The following TANC2 variants were observed in gnomAD, a reference collection of about 807,000 sequenced individuals.
TANC2 encodes the protein tetratricopeptide repeat, ankyrin repeat and coiled-coil containing 2.
TANC2 carries 26 observed loss-of-function variants against 210.5 expected under a neutral mutation model. The ratio of observed to expected loss-of-function variants is 0.12; its 90% CI spans 0.09 to 0.17. TANC2 has a LOEUF of 0.17. TANC2 is among the 10% of genes least tolerant of loss of function. The pLI is 1.00. For missense variants in TANC2, 2,129 were observed against 2,608.9 expected (o/e 0.82, Z 4.01); for synonymous variants, 931 against 967.1 (o/e 0.96, Z 0.69).
chr17:63,352,671 A>C (rs778570692), intron 13 of TANC2, among the ~76,000 whole-genome samples: 10 of 152,174 alleles, frequency 6.6e-5, no homozygotes, highest in Admixed American at 4.6e-4. Flanking sequence ...AGGTGACTTT[A>C]ATTTTTCAGC....
chr17:63,297,808 G>A (rs1362201212), intron 9 of TANC2, among the ~76,000 whole-genome samples: 4 of 152,052 alleles, frequency 2.6e-5, no homozygotes, highest in Non-Finnish European at 4.4e-5. Context: ...TGCAAATCAT[G>A]TATCTGATAA....
intron 1 of TANC2, among the ~76,000 whole-genome samples, chr17:62,981,998 T>G (rs1317782469): frequency 2.6e-5 from 4 of 152,232 alleles, no homozygotes; most frequent in Non-Finnish European, 5.9e-5. Context: ...GTTTACACAG[T>G]GTCCACAATC....
intron 3 of TANC2, among the ~76,000 whole-genome samples, chr17:63,087,981 C>G (rs1465554904): frequency 1.3e-5 from 2 of 152,144 alleles, no homozygotes; most frequent in East Asian, 3.8e-4. Context: ...CTTCTAAGCT[C>G]CTTACATGCC....
chr17:63,142,870 A>G (rs767341253), intron 4 of TANC2, among the ~76,000 whole-genome samples: 19 of 152,204 alleles, frequency 1.2e-4, no homozygotes, highest in Non-Finnish European at 2.4e-4. Context: ...GTTGGGGGGC[A>G]TCTGCAATAC....
rs545340744 is a variant in TANC2 at position 63,327,872 on chromosome 17, C to G, written c.1575+8782C>G. Reference sequence around the variant, plus strand: ...ATGTGCCATGCTGGTGTGCTGCACCCATTAACTCATCATTTAGCATTAGGT... The same window carrying G: ...ATGTGCCATGCTGGTGTGCTGCACCGATTAACTCATCATTTAGCATTAGGT... On this transcript the variant is annotated intron_variant, in intron 11 of 27. Transcript: ENST00000689528. Among the ~76,000 whole-genome samples, 4 of 152,154 alleles carry G rather than the reference C, an allele frequency of 2.6e-5. No individual in the cohort carries two copies. The East Asian group carries it at 7.7e-4, about 29-fold the overall frequency.
intron 2 of TANC2, among the ~76,000 whole-genome samples, chr17:63,052,290 T>C (rs1018811598): frequency 6.6e-6 from 1 of 152,212 alleles, no homozygotes; most frequent in East Asian, 1.9e-4. Context: ...AAGATACAGA[T>C]AATTAATTTT....
At chr17:63,118,016 G>A (rs2038317749) in intron 4 of TANC2, among the ~76,000 whole-genome samples, 1 of 152,098 alleles carries the variant, frequency 6.6e-6, no homozygotes, top group African/African-American at 2.4e-5. Flanking sequence ...TTGCAGAGAA[G>A]CCTGTTAAAA....
intron 5 of TANC2, among the ~76,000 whole-genome samples, chr17:63,193,414 G>A (rs893162919): frequency 7.9e-5 from 12 of 152,124 alleles, no homozygotes; most frequent in Non-Finnish European, 1.6e-4. Flanking sequence ...TGATATAAAT[G>A]TTAAATGGAA....
intron 2 of TANC2, among the ~76,000 whole-genome samples, chr17:63,071,561 C>G (rs1023761048): frequency 2.0e-5 from 3 of 152,078 alleles, no homozygotes; most frequent in Non-Finnish European, 4.4e-5. Flanking sequence ...TACTGAGGTA[C>G]TTTATTTTGG....
chr17:63,329,679 A>G (rs1347670484), intron 11 of TANC2, among the ~76,000 whole-genome samples: 1 of 152,152 alleles, frequency 6.6e-6, no homozygotes, highest in Non-Finnish European at 1.5e-5. Context: ...TACCATTGTA[A>G]TTGGTTTCAG....
intron 7 of TANC2, among the ~76,000 whole-genome samples, chr17:63,229,105 A>G (rs967675090): frequency 6.6e-6 from 1 of 152,168 alleles, no homozygotes; most frequent in Non-Finnish European, 1.5e-5. Context: ...ATGTTCCATC[A>G]ATAGCTAGTT....
At chr17:63,009,622 A>T (rs753512476) in exon 2 of TANC2, 1 of 1,612,532 alleles carries the variant, frequency 6.2e-7, no homozygotes, top group South Asian at 1.1e-5. Flanking sequence ...AAAACAGGTC[A>T]AGTGGTAAGT....
intron 7 of TANC2, among the ~76,000 whole-genome samples, chr17:63,232,633 A>G (rs1472076184): frequency 6.6e-6 from 1 of 152,160 alleles, no homozygotes; most frequent in Non-Finnish European, 1.5e-5. Context: ...TTCTTCCTCT[A>G]GGAGCTCCAT....
intron 11 of TANC2, among the ~76,000 whole-genome samples, chr17:63,330,395 TC>T (rs1188978929): frequency 1.3e-5 from 2 of 152,226 alleles, no homozygotes; most frequent in African/African-American, 4.8e-5. Flanking sequence ...TCCTTTTTTT[TC>T]ATTGTTTTAC....
intron 2 of TANC2, among the ~76,000 whole-genome samples, chr17:63,018,933 T>A (rs1046786073): frequency 6.6e-6 from 1 of 152,238 alleles, no homozygotes; most frequent in Admixed American, 6.5e-5. Flanking sequence ...TACCACTGTT[T>A]AACCATTCAC....
At chr17:63,357,509 T>TGA (rs1431402579) in intron 14 of TANC2, among the ~76,000 whole-genome samples, 1 of 152,246 alleles carries the variant, frequency 6.6e-6, no homozygotes, top group Non-Finnish European at 1.5e-5. Flanking sequence ...GCATGGCTGC[T>TGA]GAGAGATCAT....
chr17:63,264,871 A>C lies in TANC2; in HGVS notation c.1034-2877A>C, dbSNP rs138079275. Among the ~76,000 whole-genome samples the C allele has an allele frequency of 7.9e-3, 1,209 of 152,186 alleles. 6 individuals are homozygous for C. Among genetic ancestry groups the C allele is most frequent in the Non-Finnish European group, 0.011 (716 of 68,016 alleles). ...CTACTTGGGAGTCTGAAGTGGGAGG[A>C]GACCCTGAGCCTGGGAGGTCAAGGC... On this transcript the variant is annotated intron_variant, in intron 8 of 27. Coordinates refer to ENST00000689528, the Ensembl canonical transcript of TANC2.
chr17:63,111,087 G>T (rs768731747), intron 4 of TANC2, among the ~76,000 whole-genome samples: 11 of 152,130 alleles, frequency 7.2e-5, no homozygotes, highest in Non-Finnish European at 1.5e-4. Context: ...CCAAGGTGGA[G>T]GATTTCCTGA....
At chr17:63,221,457 A>G (rs183200921) in intron 7 of TANC2, among the ~76,000 whole-genome samples, 32 of 150,788 alleles carry the variant, frequency 2.1e-4, no homozygotes, top group East Asian at 3.9e-4. Flanking sequence ...AAAAAAAAAA[A>G]AAAGAAAGAA....
Sources: allele counts gnomAD v4.1 joint callset (sites outside exome capture counted in the v4.1 genomes callset), GRCh38; gene constraint gnomAD v4.1.1; transcripts MANE v1.5; gene names NCBI Gene and HGNC (gene_info 2026-07-23, HGNC 2026-07-21).